KHDRBS2: variants seen among roughly 807,000 people sequenced by gnomAD.
KHDRBS2 encodes KH RNA binding domain containing, signal transduction associated 2, also known as KH domain-containing, RNA-binding, signal transduction-associated protein 2.
Under a neutral mutation model 44.3 loss-of-function variants are expected in KHDRBS2, and 26 were observed. That is an observed-to-expected ratio of 0.59 (90% CI 0.43 to 0.81). The LOEUF (loss-of-function observed/expected upper bound fraction) is 0.81, where lower values mean the gene tolerates loss of function less well. Ranked by LOEUF, KHDRBS2 falls within the 40% of genes least tolerant of loss-of-function variation. KHDRBS2 has a pLI of 0.00. For synonymous variants in KHDRBS2, 194 were observed against 151.1 expected, an observed-to-expected ratio of 1.28 and a Z score of -2.08; for missense variants, 476 against 433.1, an observed-to-expected ratio of 1.10 and a Z score of -0.88.
chr6:61,599,747 C>G, the KHDRBS2 span, among the ~76,000 whole-genome samples: 1 of 152,128 alleles, frequency 6.6e-6, no homozygotes, highest in African/African-American at 2.4e-5. Flanking sequence ...GAACTTAGCC[C>G]ATTCAGAAGA....
At chr6:61,762,986 T>A (rs1344401648) in intron 6 of KHDRBS2, among the ~76,000 whole-genome samples, 2 of 152,188 alleles carry the variant, frequency 1.3e-5, no homozygotes, top group African/African-American at 4.8e-5. Flanking sequence ...TTCTTGGCTT[T>A]TACTTTCACT....
At chr6:61,595,908 A>G in the KHDRBS2 span, among the ~76,000 whole-genome samples, 5 of 152,094 alleles carry the variant, frequency 3.3e-5, no homozygotes, top group African/African-American at 1.2e-4. Flanking sequence ...TAATTTTGAA[A>G]CTATGACAGA....
rs1450274737 is a variant in KHDRBS2, at chr6:61,956,355, TA to T, written c.483+21710del. 2.8e-4 allele frequency among the ~76,000 whole-genome samples: 43 copies of T among 152,270 alleles called. No individual in the cohort carries two copies. In the Middle Eastern group the frequency reaches 0.01, roughly 36 times the overall value. On this transcript the variant is annotated intron_variant, in intron 4 of 8. Coordinates refer to ENST00000281156, the MANE Select transcript of KHDRBS2 (RefSeq NM_152688.4). ...CAACTAGCACACTTAAAAGACATCATAGGGGGTAAACTGATAAACATCTCAT... is the reference window on the plus strand; with the variant it reads ...CAACTAGCACACTTAAAAGACATCATGGGGGTAAACTGATAAACATCTCAT...
intron 4 of KHDRBS2, among the ~76,000 whole-genome samples, chr6:61,961,556 G>C (rs1768727333): frequency 6.6e-6 from 1 of 152,014 alleles, no homozygotes; most frequent in Non-Finnish European, 1.5e-5. Flanking sequence ...AGGGTTGTTG[G>C]AAAGGCCTCA....
At chr6:61,773,997 A>T (rs1265486707) in intron 6 of KHDRBS2, among the ~76,000 whole-genome samples, 2 of 152,098 alleles carry the variant, frequency 1.3e-5, no homozygotes, top group South Asian at 2.1e-4. Flanking sequence ...TGTTCCATTG[A>T]TCTATATATC....
At chr6:62,037,346 C>T (rs766849290) in intron 3 of KHDRBS2, among the ~76,000 whole-genome samples, 2 of 151,110 alleles carry the variant, frequency 1.3e-5, no homozygotes, top group Non-Finnish European at 1.5e-5. Flanking sequence ...CTGATATTGA[C>T]GGTGTTGCTG....
At chr6:62,048,158 A>AC (rs1554347728) in intron 2 of KHDRBS2, among the ~76,000 whole-genome samples, 164 bp from the exon 3 acceptor site, 39 of 150,778 alleles carry the variant, frequency 2.6e-4, no homozygotes, top group African/African-American at 7.5e-4. Context: ...ACACACACAC[A>AC]AACCCCAAAC....
intron 2 of KHDRBS2, among the ~76,000 whole-genome samples, chr6:62,124,438 C>CA (rs1358407962): frequency 2.0e-5 from 3 of 152,126 alleles, no homozygotes; most frequent in Non-Finnish European, 2.9e-5. Flanking sequence ...TGTGGACTCA[C>CA]AAAAACATGC....
At chr6:61,917,839 GA>G (rs1312863084) in intron 4 of KHDRBS2, among the ~76,000 whole-genome samples, 1 of 151,938 alleles carries the variant, frequency 6.6e-6, no homozygotes, top group African/African-American at 2.4e-5. Flanking sequence ...ATAAGAATAT[GA>G]TTTCAATAGC....
At chr6:61,669,329 T>C in the KHDRBS2 span, among the ~76,000 whole-genome samples, 1 of 150,960 alleles carries the variant, frequency 6.6e-6, no homozygotes. Flanking sequence ...TTTTTACCCC[T>C]GACTCTTTCA....
intron 2 of KHDRBS2, among the ~76,000 whole-genome samples, chr6:62,171,711 C>T (rs1229767401): frequency 6.6e-6 from 1 of 152,170 alleles, no homozygotes; most frequent in African/African-American, 2.4e-5. Context: ...GAAACCCGAT[C>T]TGGCTAACAA....
chr6:62,028,548 A>G (rs1452790149), intron 3 of KHDRBS2, among the ~76,000 whole-genome samples: 1 of 152,128 alleles, frequency 6.6e-6, no homozygotes, highest in Admixed American at 6.6e-5. Flanking sequence ...CCAGTATATA[A>G]TTAGATATGA....
At chr6:61,918,208 T>A (rs967833053) in intron 4 of KHDRBS2, among the ~76,000 whole-genome samples, 1 of 151,980 alleles carries the variant, frequency 6.6e-6, no homozygotes, top group Non-Finnish European at 1.5e-5. Flanking sequence ...CTTTTTTAAT[T>A]TTCTTCTTGT....
At chr6:61,827,191 G>T (rs576783077) in intron 6 of KHDRBS2, among the ~76,000 whole-genome samples, 2 of 152,240 alleles carry the variant, frequency 1.3e-5, no homozygotes, top group South Asian at 4.1e-4. Context: ...TCTTTGAATA[G>T]CTCTGCACTA....
intron 6 of KHDRBS2, among the ~76,000 whole-genome samples, chr6:61,806,458 A>C (rs1787178680): frequency 6.6e-6 from 1 of 152,144 alleles, no homozygotes; most frequent in Non-Finnish European, 1.5e-5. Flanking sequence ...TCACAATTTG[A>C]CTTCAACCAC....
chr6:61,680,854 A>C lies in KHDRBS2; in HGVS notation c.*109T>G. 1 of 661,546 alleles carries C rather than the reference A, an allele frequency of 1.5e-6. No homozygotes were observed. The highest frequency in any genetic ancestry group is 2.7e-6 in the Non-Finnish European group (1 of 373,474). The allele number at this position is 661,546 out of a possible 1,614,324, so 41.0% of individuals were successfully genotyped here. On this transcript the variant is annotated 3_prime_UTR_variant, in exon 9 of 9. Transcript: ENST00000281156. ...GTAATCATGAGCAGTTATCCCTAGA[A>C]TAGAAACAAACAAACAAAAAAAGGA...
chr6:61,900,859 T>C (rs1030335470), intron 5 of KHDRBS2, among the ~76,000 whole-genome samples: 2 of 152,216 alleles, frequency 1.3e-5, no homozygotes, highest in African/African-American at 4.8e-5. Context: ...AGTTGTATCA[T>C]GCGTGTGTTC....
the KHDRBS2 span, among the ~76,000 whole-genome samples, chr6:61,612,439 A>G: frequency 6.6e-6 from 1 of 152,160 alleles, no homozygotes; most frequent in Non-Finnish European, 1.5e-5. Context: ...CAATATTGCT[A>G]TCTATGTGGC....
At chr6:61,885,086 T>A (rs1800751468) in intron 6 of KHDRBS2, among the ~76,000 whole-genome samples, 1 of 152,138 alleles carries the variant, frequency 6.6e-6, no homozygotes, top group Admixed American at 6.6e-5. Flanking sequence ...CATCACAAAA[T>A]CTAGAAAACA....
Sources: allele counts gnomAD v4.1 joint callset (sites outside exome capture counted in the v4.1 genomes callset), GRCh38; gene constraint gnomAD v4.1.1; transcripts MANE v1.5; gene names NCBI Gene and HGNC (gene_info 2026-07-23, HGNC 2026-07-21).